MCU: variants seen among roughly 807,000 people sequenced by gnomAD.
The protein encoded by MCU is calcium uniporter protein, mitochondrial.
In MCU, 12 loss-of-function variants were observed where a neutral mutation model predicts 45.2. The ratio of observed to expected loss-of-function variants is 0.27; its 90% confidence interval spans 0.17 to 0.43. The LOEUF (loss-of-function observed/expected upper bound fraction) is 0.43. Ranked by LOEUF, MCU falls within the 20% of genes least tolerant of loss-of-function variation. The pLI, the probability that MCU is intolerant of heterozygous loss-of-function variation, is 1.00. For missense variants in MCU, 324 were observed against 436.7 expected (o/e 0.74, Z 2.30); for synonymous variants, 160 against 165.1 (o/e 0.97, Z 0.24).
intron 1 of MCU, among the ~76,000 whole-genome samples, chr10:72,738,221 C>T (rs778135930): frequency 6.6e-6 from 1 of 152,092 alleles, no homozygotes; most frequent in East Asian, 1.9e-4. Flanking sequence ...TTGGAGTAAA[C>T]TTAATAAGTA....
chr10:72,859,027 C>A, intron 2 of MCU, 150 bp from the exon 3 acceptor site: 2 of 646,330 alleles, frequency 3.1e-6, no homozygotes, highest in Non-Finnish European at 5.0e-6. Context: ...GAATAACCTT[C>A]AACTAAAGCT....
chr10:72,714,345 C>CTTTTTTTTTTT (rs1160353409), intron 1 of MCU, among the ~76,000 whole-genome samples: 648 of 54,716 alleles, frequency 0.012, 118 homozygotes, highest in African/African-American at 0.04. Context: ...CCGCCCTGGT[C>CTTTTTTTTTTT]TTTTTTTTTT....
At chr10:72,860,571 C>G in intron 4 of MCU, 44 bp downstream of exon 4, 2 of 1,456,720 alleles carry the variant, frequency 1.4e-6, no homozygotes, top group Non-Finnish European at 1.9e-6. Flanking sequence ...GTGGGAAGGG[C>G]TTTTGGAAAT....
chr10:72,703,928 TA>T (rs1413640108), intron 1 of MCU, among the ~76,000 whole-genome samples: 3 of 151,778 alleles, frequency 2.0e-5, no homozygotes, highest in East Asian at 1.9e-4. Flanking sequence ...AAAAAACAAC[TA>T]AAAAAAAGTT....
rs148091238 is a variant in MCU at position 72,751,149 on chromosome 10, C to T, written c.150+58848C>T. Among the ~76,000 whole-genome samples, 1,087 of 151,346 alleles carry T rather than the reference C, an allele frequency of 7.2e-3. 19 individuals carry two copies. The highest frequency in any genetic ancestry group is 0.025 in the African/African-American group (1,027 of 41,232). The stretch of plus-strand genomic sequence containing the variant: ...CCGAGTAGCTGGGATTACAGGCACA[C>T]GCCACCATACCTGGCTAATTTTTTT... On this transcript the variant is annotated intron_variant, in intron 1 of 7. Coordinates refer to ENST00000373053, the MANE Select transcript of MCU (RefSeq NM_138357.3).
chr10:72,694,452 T>C (rs2132640407), intron 1 of MCU, among the ~76,000 whole-genome samples: 1 of 152,340 alleles, frequency 6.6e-6, no homozygotes, highest in East Asian at 1.9e-4. Context: ...CCTTTACATC[T>C]CTCTCCTCCC....
intron 2 of MCU, among the ~76,000 whole-genome samples, chr10:72,842,298 C>A (rs1283554921): frequency 6.6e-6 from 1 of 152,154 alleles, no homozygotes; most frequent in Non-Finnish European, 1.5e-5. Context: ...AGGATTACCT[C>A]CACACAGAAA....
chr10:72,728,038 T>G (rs1476256774), intron 1 of MCU, among the ~76,000 whole-genome samples: 1 of 152,130 alleles, frequency 6.6e-6, no homozygotes, highest in African/African-American at 2.4e-5. Context: ...GACTACTGCT[T>G]TTGCCACTGG....
At position 72,814,703 on chromosome 10, in the gene MCU, G is replaced by T. The variant is rs113350809; in HGVS notation, c.151-19656G>T. On this transcript the variant is annotated intron_variant, in intron 1 of 7. Transcript: ENST00000373053. The stretch of plus-strand genomic sequence containing the variant: ...TATAGGAGGTTGCTGAACCTCTTCT[G>T]GGAATTCCAAGCAATGTACTGATTT... 6.9e-4 allele frequency among the ~76,000 whole-genome samples: 105 copies of T among 152,276 alleles called. 1 individual carries two copies. The Middle Eastern group carries it at 0.014, about 20-fold the overall frequency.
At chr10:72,867,532 A>G (rs1845475487) in intron 4 of MCU, among the ~76,000 whole-genome samples, 1 of 152,126 alleles carries the variant, frequency 6.6e-6, no homozygotes, top group Non-Finnish European at 1.5e-5. Flanking sequence ...AAGTTGGTAT[A>G]CTAGGGAGAA....
At chr10:72,793,187 G>A (rs527873837) in intron 1 of MCU, among the ~76,000 whole-genome samples, 1 of 152,146 alleles carries the variant, frequency 6.6e-6, no homozygotes, top group South Asian at 2.1e-4. Flanking sequence ...TGATTACACT[G>A]CTTTTTAAGG....
intron 4 of MCU, among the ~76,000 whole-genome samples, chr10:72,861,303 G>C (rs1289099319): frequency 6.6e-6 from 1 of 152,028 alleles, no homozygotes; most frequent in African/African-American, 2.4e-5. Context: ...TGCGATTACA[G>C]GCATGAACCA....
intron 1 of MCU, among the ~76,000 whole-genome samples, chr10:72,746,729 A>G (rs1843419960): frequency 6.6e-6 from 1 of 152,212 alleles, no homozygotes; most frequent in South Asian, 2.1e-4. Context: ...CAAATTTCTT[A>G]TAATTGCTTC....
At chr10:72,849,748 C>T (rs1221643358) in intron 2 of MCU, among the ~76,000 whole-genome samples, 2 of 151,984 alleles carry the variant, frequency 1.3e-5, no homozygotes, top group East Asian at 1.9e-4. Flanking sequence ...GGGAGGGAGT[C>T]GTTAACATCA....
At chr10:72,822,218 G>C (rs1227823192) in intron 1 of MCU, among the ~76,000 whole-genome samples, 1 of 152,168 alleles carries the variant, frequency 6.6e-6, no homozygotes, top group Non-Finnish European at 1.5e-5. Context: ...GTTACAGTGA[G>C]CCGAGATCGC....
chr10:72,766,039 A>G (rs111386269), intron 1 of MCU, among the ~76,000 whole-genome samples: 1 of 151,948 alleles, frequency 6.6e-6, no homozygotes, highest in Non-Finnish European at 1.5e-5. Flanking sequence ...GCTAATTTTT[A>G]AATTTTTTGT....
intron 2 of MCU, among the ~76,000 whole-genome samples, chr10:72,852,308 A>G (rs149741485): frequency 2.9e-4 from 44 of 152,356 alleles, no homozygotes; most frequent in Middle Eastern, 3.4e-3. Flanking sequence ...AGTACATGCT[A>G]TATATTCAAT....
At chr10:72,870,424 G>A (rs1469682762) in intron 5 of MCU, among the ~76,000 whole-genome samples, 2 of 151,784 alleles carry the variant, frequency 1.3e-5, no homozygotes, top group Non-Finnish European at 1.5e-5. Context: ...GACTACAGGC[G>A]CCTGCCACCA....
chr10:72,809,407 C>CA (rs898061678), intron 1 of MCU, among the ~76,000 whole-genome samples: 1 of 151,910 alleles, frequency 6.6e-6, no homozygotes, highest in Non-Finnish European at 1.5e-5. Context: ...CAAAAAGAAG[C>CA]AAAAAGGGTG....
Sources: gnomAD v4.1 joint callset for allele counts (sites outside exome capture counted in the v4.1 genomes callset) on GRCh38, gnomAD v4.1.1 for gene constraint, MANE v1.5 for transcripts, NCBI Gene and HGNC (gene_info 2026-07-23, HGNC 2026-07-21) for gene names.